Variants in DHRS9 observed in about 807,000 individuals in gnomAD.
DHRS9 encodes the protein dehydrogenase/reductase 9, also known as dehydrogenase/reductase SDR family member 9.
In DHRS9, 18 loss-of-function variants were observed where a neutral mutation model predicts 26.6. The ratio of observed to expected loss-of-function variants is 0.68; its 90% CI spans 0.47 to 1.00. The LOEUF (loss-of-function observed/expected upper bound fraction) is 1.00. Among genes scored for constraint, DHRS9 ranks in the 50% least tolerant of loss-of-function variants. DHRS9 has a pLI of 0.00. For missense variants in DHRS9, 425 were observed against 378.7 expected (o/e 1.12, Z -1.01); for synonymous variants, 134 against 141.1 (o/e 0.95, Z 0.36).
chr2:169,075,017 G>C (rs1191162008), intron 1 of DHRS9, among the ~76,000 whole-genome samples: 1 of 152,142 alleles, frequency 6.6e-6, no homozygotes, highest in East Asian at 1.9e-4. Context: ...AGTAAAGAGG[G>C]AATCCAACTA....
chr2:169,092,362 C>T (rs942625783), intron 4 of DHRS9, among the ~76,000 whole-genome samples: 5 of 152,208 alleles, frequency 3.3e-5, no homozygotes, highest in Non-Finnish European at 5.9e-5. Context: ...CAGCTGTACA[C>T]TTGGCATTAA....
chr2:169,067,156 G>A (rs1683666463), upstream of DHRS9: 1 of 1,535,502 alleles, frequency 6.5e-7, no homozygotes, highest in Non-Finnish European at 8.7e-7. Context: ...TATGCCAGAA[G>A]GAAGAAGCCA....
upstream of DHRS9, chr2:169,069,421 T>C (rs1683735663): frequency 4.1e-6 from 4 of 985,272 alleles, no homozygotes; most frequent in South Asian, 1.9e-4. Flanking sequence ...AAATTTATAC[T>C]GCTGATTCCT....
intron 3 of DHRS9, among the ~76,000 whole-genome samples, chr2:169,085,958 T>C (rs1335026782): frequency 6.6e-6 from 1 of 152,214 alleles, no homozygotes; most frequent in Non-Finnish European, 1.5e-5. Flanking sequence ...GATTAATAAA[T>C]GCCTTGTGGT....
upstream of DHRS9, chr2:169,067,362 CT>C: frequency 6.8e-7 from 1 of 1,474,524 alleles, no homozygotes; most frequent in Non-Finnish European, 9.0e-7. Flanking sequence ...TAACGTATGT[CT>C]CCTGAGACAG....
intron 2 of DHRS9, 33 bp downstream of exon 2, chr2:169,081,927 G>T: frequency 6.5e-7 from 1 of 1,536,040 alleles, no homozygotes; most frequent in South Asian, 1.3e-5. Flanking sequence ...GGATGGGACA[G>T]GGATAGGGGA....
At chr2:169,068,380 G>A (rs537419213), upstream of DHRS9, among the ~76,000 whole-genome samples, 2 of 152,212 alleles carry the variant, frequency 1.3e-5, no homozygotes, top group South Asian at 4.1e-4. Flanking sequence ...CAGGCTGGAG[G>A]GCAATGGCGC....
At chr2:169,075,106 T>C (rs1042762648) in intron 1 of DHRS9, among the ~76,000 whole-genome samples, 4 of 152,188 alleles carry the variant, frequency 2.6e-5, no homozygotes, top group African/African-American at 9.6e-5. Flanking sequence ...CAATGTGGTA[T>C]ACAAGTTACT....
upstream of DHRS9, among the ~76,000 whole-genome samples, chr2:169,069,138 AATGGTAACACCAATC>A (rs1235815754): frequency 6.6e-6 from 1 of 152,208 alleles, no homozygotes; most frequent in Non-Finnish European, 1.5e-5. Context: ...TCTTAAAAAA[AATGGTAACACCAATC>A]TCAGAGACTG....
chr2:169,074,606 T>C, intron 1 of DHRS9: 1 of 252,792 alleles, frequency 4.0e-6, no homozygotes, highest in Non-Finnish European at 6.2e-6. Context: ...AATGAACCAA[T>C]TGGCCATCAA....
At position 169,096,053 on chromosome 2, in the gene DHRS9, T is replaced by C; in HGVS notation, c.*286T>C. The C allele has an allele frequency of 2.3e-6, 1 of 429,460 alleles. No homozygotes were observed. The highest frequency in any genetic ancestry group is 3.0e-5 in the South Asian group (1 of 33,616). The allele number at this position is 429,460 out of a possible 1,614,324, so 26.6% of individuals were successfully genotyped here. The stretch of plus-strand genomic sequence containing the variant: ...TAAGGGAAATTGAAAGACTTGCCCA[T>C]TCAAAATGATCTTTACCGTGGCCTG... On this transcript the variant is annotated 3_prime_UTR_variant, in exon 5 of 5. Transcript: ENST00000674881.
At chr2:169,075,405 G>A (rs1683934971) in intron 1 of DHRS9, among the ~76,000 whole-genome samples, 1 of 151,980 alleles carries the variant, frequency 6.6e-6, no homozygotes, top group Non-Finnish European at 1.5e-5. Context: ...TTAACTGTTT[G>A]AGAGTAAGTT....
Position 169,095,824 on chromosome 2 carries a change from C to T in DHRS9, c.*57C>T, listed in dbSNP as rs1410690931. On this transcript the variant is annotated 3_prime_UTR_variant, in exon 5 of 5. Transcript: ENST00000674881. The stretch of plus-strand genomic sequence containing the variant: ...ATGAAATTGGCCGATTTCAAGAACA[C>T]ATCTCCTTTTCAACCCCATTCCTTA... 2.0e-6 allele frequency: 3 copies of T among 1,485,242 alleles called. No individual in the cohort carries two copies. Among genetic ancestry groups the T allele is most frequent in the Admixed American group, 3.4e-5 (2 of 58,208 alleles). The allele number at this position is 1,485,242 out of a possible 1,614,324, so 92.0% of individuals were successfully genotyped here.
chr2:169,071,021 G>A (rs777255821), intron 1 of DHRS9, among the ~76,000 whole-genome samples: 6 of 151,528 alleles, frequency 4.0e-5, no homozygotes, highest in African/African-American at 1.2e-4. Flanking sequence ...CTGAGATCAC[G>A]CCACTGCACT....
At chr2:169,079,912 AGG>A (rs1684100248) in intron 1 of DHRS9, among the ~76,000 whole-genome samples, 1 of 64,364 alleles carries the variant, frequency 1.6e-5, no homozygotes, top group African/African-American at 9.0e-5. Flanking sequence ...GGAGGGAGGG[AGG>A]GAGGGGGAGA....
At chr2:169,091,656 A>G (rs1040976736) in intron 3 of DHRS9, 134 bp from the exon 4 acceptor site, 1 of 984,184 alleles carries the variant, frequency 1.0e-6, no homozygotes, top group African/African-American at 1.6e-5. Flanking sequence ...AAAGGGAGAG[A>G]GAATAAGATA....
chr2:169,092,455 A>C (rs1396040722), intron 4 of DHRS9, among the ~76,000 whole-genome samples: 9 of 152,254 alleles, frequency 5.9e-5, no homozygotes, highest in Non-Finnish European at 1.3e-4. Flanking sequence ...AGAAGTAACC[A>C]AGCGAGAATG....
intron 3 of DHRS9, among the ~76,000 whole-genome samples, chr2:169,088,644 TAA>T (rs1245695697): frequency 1.3e-5 from 2 of 152,196 alleles, no homozygotes; most frequent in Non-Finnish European, 1.5e-5. Context: ...CCACTAAAAC[TAA>T]AAGAGTTTAA....
At chr2:169,088,530 G>T (rs1181531283) in intron 3 of DHRS9, among the ~76,000 whole-genome samples, 1 of 152,110 alleles carries the variant, frequency 6.6e-6, no homozygotes, top group East Asian at 1.9e-4. Flanking sequence ...TGTTTAATTT[G>T]GTGTTCCTGT....
Sources: gnomAD v4.1 joint callset for allele counts (sites outside exome capture counted in the v4.1 genomes callset) on GRCh38, gnomAD v4.1.1 for gene constraint, MANE v1.5 for transcripts, NCBI Gene and HGNC (gene_info 2026-07-23, HGNC 2026-07-21) for gene names.